The following ZIM2 variants were observed in gnomAD, a reference collection of about 807,000 sequenced individuals.
The protein encoded by ZIM2 is zinc finger protein 656.
A neutral mutation model predicts 38.6 loss-of-function variants in ZIM2; 14 were observed. The observed-to-expected ratio is 0.36, with a 90% CI of 0.24 to 0.57. The LOEUF (loss-of-function observed/expected upper bound fraction) is 0.57. Among genes scored for constraint, ZIM2 ranks in the 20% least tolerant of loss-of-function variants. The probability of loss-of-function intolerance (pLI) is 0.81; values close to 1 mark genes in which losing one functional copy is unlikely to be tolerated. For missense variants in ZIM2, 680 were observed against 695.1 expected (o/e 0.98, Z 0.24); for synonymous variants, 247 against 245.8 (o/e 1.00, Z -0.04).
At chr19:56,775,837 C>T (rs2045969696) in intron 12 of ZIM2, among the ~76,000 whole-genome samples, 1 of 152,090 alleles carries the variant, frequency 6.6e-6, no homozygotes, top group Admixed American at 6.6e-5. Context: ...CACAGTGGCT[C>T]ATACCTGTAA....
intron 9 of ZIM2, chr19:56,799,686 G>A (rs1230289286): frequency 6.6e-6 from 1 of 152,060 alleles, no homozygotes. Context: ...ATTTACCCAA[G>A]AGAAATAAAA....
At chr19:56,794,332 T>C (rs996674723) in intron 9 of ZIM2, among the ~76,000 whole-genome samples, 1 of 152,196 alleles carries the variant, frequency 6.6e-6, no homozygotes, top group African/African-American at 2.4e-5. Context: ...AAATAAAACA[T>C]ACCTTCCATA....
intron 2 of ZIM2, chr19:56,833,269 C>T: frequency 2.2e-6 from 1 of 460,326 alleles, no homozygotes; most frequent in South Asian, 1.6e-5. Context: ...TAGATTCAGC[C>T]CCCTAACTCG....
intron 10 of ZIM2, among the ~76,000 whole-genome samples, chr19:56,789,097 C>T (rs935025981): frequency 2.0e-5 from 3 of 151,910 alleles, no homozygotes; most frequent in Non-Finnish European, 2.9e-5. Context: ...TTAAAACATG[C>T]TCCTTTAGCT....
intron 9 of ZIM2, 184 bp downstream of exon 9, chr19:56,817,562 C>T (rs1186908388): frequency 6.3e-7 from 1 of 1,592,730 alleles, no homozygotes; most frequent in Non-Finnish European, 8.6e-7. Context: ...TTTTTGGCTT[C>T]AGGCATAGTT....
Position 56,782,081 on chromosome 19 carries a change from T to C in ZIM2, c.611A>G (p.Glu204Gly), listed in dbSNP as rs1214465932. Residue 204 changes from glutamate to glycine, a missense_variant, in exon 11 of 13, where the codon GAG becomes GGG. By Grantham distance (98) the Glu-to-Gly change is moderately conservative. Transcript: ENST00000629319. ...CACATCCTCGAAGGTCACCAACTCC[T>C]CAAACACCAGAAATGTTCCTAAGTG... ...FKHLGTFLVF[E>G]ELVTFEDVLV... 1 of 1,613,944 alleles carries C rather than the reference T, an allele frequency of 6.2e-7. No homozygotes were observed. The highest frequency in any genetic ancestry group is 1.1e-5 in the South Asian group (1 of 91,078).
intron 2 of ZIM2, among the ~76,000 whole-genome samples, chr19:56,834,694 A>G (rs1050753840): frequency 1.3e-5 from 2 of 152,170 alleles, no homozygotes; most frequent in Admixed American, 1.3e-4. Flanking sequence ...ACCATAATGC[A>G]TATCTTGAGC....
rs768655056 is a variant in ZIM2, at chr19:56,836,082, G to A, written c.-291C>T. 2.0e-6 allele frequency: 1 copy of A among 498,272 alleles called. No individual in the cohort carries two copies. The highest frequency in any genetic ancestry group is 4.0e-6 in the Non-Finnish European group (1 of 249,508). 30.9% of individuals were successfully genotyped at this position (498,272 alleles called of 1,614,324 possible). A position where few individuals can be genotyped will look rare whatever the true frequency, so the allele number is the denominator to read the frequency against. ...CCTCTCGCCAGTCGTCTCCAAGAAG[G>A]ACGGAAGATCAAGAAGGCAAAGCTG... On this transcript the variant is annotated 5_prime_UTR_variant, in exon 2 of 13. Coordinates refer to ENST00000629319, the MANE Select transcript of ZIM2 (RefSeq NM_001387356.1).
At position 56,774,862 on chromosome 19, in the gene ZIM2, G is replaced by A. The variant is rs147779075; in HGVS notation, c.1503C>T (p.Asp501=). The change falls in exon 13 of 13, where the codon GAC becomes GAT. Residue 501 remains aspartate (D), a synonymous_variant. Coordinates refer to ENST00000629319, the MANE Select transcript of ZIM2 (RefSeq NM_001387356.1). ...YVGERACQCC[D]CGRVFSRNSY... ...AATTCCGACTGAAGACTCTGCCACA[G>A]TCACAACACTGGCAGGCTCTCTCTC... is the stretch of plus-strand genomic sequence containing the variant. 1,509 of 1,614,178 alleles carry A rather than the reference G, an allele frequency of 9.3e-4. 2 individuals carry two copies. Among genetic ancestry groups the A allele is most frequent in the Admixed American group, 1.2e-3 (71 of 60,026 alleles).
chr19:56,821,297 G>A (rs981184351), intron 7 of ZIM2, among the ~76,000 whole-genome samples: 1 of 152,220 alleles, frequency 6.6e-6, no homozygotes, highest in Non-Finnish European at 1.5e-5. Flanking sequence ...TCCCTGGCCA[G>A]TCTACTCTGC....
chr19:56,835,798 T>C (rs12978575), intron 2 of ZIM2, among the ~76,000 whole-genome samples: 27,969 of 152,128 alleles, frequency 0.18, 3,240 homozygotes, highest in Non-Finnish European at 0.25. Context: ...TAGCTGAGTA[T>C]GAGAAAAAGA....
intron 9 of ZIM2, among the ~76,000 whole-genome samples, chr19:56,805,471 A>G (rs978143537): frequency 6.6e-6 from 1 of 152,098 alleles, no homozygotes; most frequent in Admixed American, 6.5e-5. Context: ...ATCCTTCCTT[A>G]CTTGCTTTAT....
Position 56,813,673 on chromosome 19 carries a change from C to T in ZIM2, c.490+4073G>A, listed in dbSNP as rs763577550. The T allele has an allele frequency of 1.7e-5, 27 of 1,610,778 alleles. No homozygotes were observed. In the South Asian group the frequency reaches 2.9e-4, roughly 17 times the overall value. Reference sequence around the variant, plus strand: ...AGGTTTTCTAACCTTTACCCCATGCCCTCAGCCAGTGTGGGTATTCTGGTG... The same window carrying T: ...AGGTTTTCTAACCTTTACCCCATGCTCTCAGCCAGTGTGGGTATTCTGGTG... On this transcript the variant is annotated intron_variant, in intron 9 of 12. Coordinates refer to ENST00000629319, the MANE Select transcript of ZIM2 (RefSeq NM_001387356.1).
chr19:56,833,056 T>A, intron 2 of ZIM2: 1 of 438,302 alleles, frequency 2.3e-6, no homozygotes, highest in Non-Finnish European at 4.6e-6. Context: ...AAATGATGGG[T>A]CAGTGTTCAA....
intron 12 of ZIM2, among the ~76,000 whole-genome samples, chr19:56,776,100 C>CA (rs56776253): frequency 0.026 from 2,711 of 106,276 alleles, 67 homozygotes; most frequent in Middle Eastern, 0.099. Context: ...GACTCTGTCT[C>CA]AAAAAAAAAA....
Position 56,814,826 on chromosome 19 carries a change from T to G in ZIM2, c.490+2920A>C. On this transcript the variant is annotated intron_variant, in intron 9 of 12. Transcript: ENST00000629319. The surrounding 1 kb of genome is among the most constrained non-coding windows in gnomAD (Gnocchi z 5.8). ...GCAGCACGATTCCTCCGTGGCTTCATGGGCAAGAGGGCAATAAAACCATCA... is the reference window on the plus strand; with the variant it reads ...GCAGCACGATTCCTCCGTGGCTTCAGGGGCAAGAGGGCAATAAAACCATCA... 6.2e-7 allele frequency: 1 copy of G among 1,614,196 alleles called. No homozygotes were observed. The highest frequency in any genetic ancestry group is 8.5e-7 in the Non-Finnish European group (1 of 1,180,036).
intron 3 of ZIM2, among the ~76,000 whole-genome samples, chr19:56,825,654 G>A (rs2060952786): frequency 1.3e-5 from 2 of 151,640 alleles, no homozygotes; most frequent in Admixed American, 1.3e-4. Flanking sequence ...TTAATGACTG[G>A]TCAGCACATC....
chr19:56,807,635 T>TA (rs1335749777), intron 9 of ZIM2, among the ~76,000 whole-genome samples: 1 of 151,718 alleles, frequency 6.6e-6, no homozygotes, highest in African/African-American at 2.4e-5. Context: ...TACAAAAAAT[T>TA]AAAAAATTGG....
intron 2 of ZIM2, among the ~76,000 whole-genome samples, chr19:56,830,307 G>C (rs894424382): frequency 6.6e-6 from 1 of 152,180 alleles, no homozygotes; most frequent in Non-Finnish European, 1.5e-5. Flanking sequence ...AATACAAGGA[G>C]GATGTCCCAT....
Sources: gnomAD v4.1 joint callset for allele counts (sites outside exome capture counted in the v4.1 genomes callset) on GRCh38, gnomAD v4.1.1 for gene constraint, Gnocchi (gnomAD v3.1) non-coding constraint, MANE v1.5 for transcripts, NCBI Gene and HGNC (gene_info 2026-07-23, HGNC 2026-07-21) for gene names.